MYO3B: variants seen among roughly 807,000 people sequenced by gnomAD.
The protein encoded by MYO3B is myosin-IIIb.
Under a neutral mutation model 174.6 loss-of-function variants are expected in MYO3B, and 156 were observed. The ratio of observed to expected loss-of-function variants is 0.89; its 90% CI spans 0.78 to 1.02. MYO3B has a LOEUF of 1.02. Among genes scored for constraint, MYO3B ranks in the 50% least tolerant of loss-of-function variants. The pLI, the probability that MYO3B is intolerant of heterozygous loss-of-function variation, is 0.00. For synonymous variants in MYO3B, 563 were observed against 569.1 expected (o/e 0.99, Z 0.15); for missense variants, 1,632 against 1,639.4 (o/e 1.00, Z 0.08).
chr2:170,559,015 A>G (rs1173685809), intron 32 of MYO3B, among the ~76,000 whole-genome samples: 1 of 152,216 alleles, frequency 6.6e-6, no homozygotes, highest in East Asian at 1.9e-4. Flanking sequence ...TACTCATAGG[A>G]ATATTTCATT....
At chr2:170,261,056 C>T (rs1222075807) in intron 7 of MYO3B, among the ~76,000 whole-genome samples, 2 of 151,972 alleles carry the variant, frequency 1.3e-5, no homozygotes, top group African/African-American at 2.4e-5. Flanking sequence ...GGAGTTTCAC[C>T]CTTGTTGCCC....
intron 23 of MYO3B, among the ~76,000 whole-genome samples, chr2:170,452,197 A>G (rs892888133): frequency 1.6e-4 from 22 of 141,320 alleles, no homozygotes; most frequent in Non-Finnish European, 2.3e-4. Context: ...CCCCAAAAGT[A>G]AAAAAAAAAA....
chr2:170,553,569 G>T (rs111785523), intron 32 of MYO3B, among the ~76,000 whole-genome samples: 2 of 68,730 alleles, frequency 2.9e-5, no homozygotes, highest in Non-Finnish European at 6.9e-5. Context: ...TGGTTTTACA[G>T]GCTTATAGGT....
chr2:170,181,527 C>T (rs1350037476), intron 1 of MYO3B, among the ~76,000 whole-genome samples: 3 of 152,064 alleles, frequency 2.0e-5, no homozygotes, highest in Non-Finnish European at 2.9e-5. Flanking sequence ...TGAAAGCATT[C>T]GGTTTTTCAC....
Position 170,206,151 on chromosome 2 carries a change from A to G in MYO3B, c.321+5867A>G, listed in dbSNP as rs979123353. ...CATGCACATTCCCCCTCATTCTTTCATGCCCCCTACATTTGCACAAGATGT... is the reference window on the plus strand; with the variant it reads ...CATGCACATTCCCCCTCATTCTTTCGTGCCCCCTACATTTGCACAAGATGT... On this transcript the variant is annotated intron_variant, in intron 3 of 34. Transcript: ENST00000408978. The surrounding 1 kb of genome is among the most constrained non-coding windows in gnomAD (Gnocchi z 4.3). Among the ~76,000 whole-genome samples, 5 of 151,774 alleles carry G rather than the reference A, an allele frequency of 3.3e-5. No homozygotes were observed. The highest frequency in any genetic ancestry group is 9.7e-5 in the African/African-American group (4 of 41,292).
intron 28 of MYO3B, among the ~76,000 whole-genome samples, chr2:170,507,201 G>A (rs143162683): frequency 2.6e-5 from 4 of 152,230 alleles, no homozygotes; most frequent in South Asian, 4.1e-4. Flanking sequence ...TTTACCTGGT[G>A]CACCTGAGCT....
intron 6 of MYO3B, 115 bp from the exon 7 acceptor site, chr2:170,235,876 C>A: frequency 8.0e-7 from 1 of 1,244,188 alleles, no homozygotes; most frequent in Non-Finnish European, 1.2e-6. Flanking sequence ...TACTGGAATT[C>A]AATATCATCG....
At chr2:170,441,729 TG>T (rs2094802366) in intron 22 of MYO3B, among the ~76,000 whole-genome samples, 1 of 152,234 alleles carries the variant, frequency 6.6e-6, no homozygotes, top group African/African-American at 2.4e-5. Flanking sequence ...TTTGTTGTCA[TG>T]GAGATGGTGG....
At chr2:170,363,893 A>T (rs2094179632) in intron 8 of MYO3B, among the ~76,000 whole-genome samples, 1 of 152,194 alleles carries the variant, frequency 6.6e-6, no homozygotes, top group Non-Finnish European at 1.5e-5. Context: ...CTAATTTTTT[A>T]AAAAAGATTA....
intron 7 of MYO3B, among the ~76,000 whole-genome samples, chr2:170,320,440 C>T (rs567728895): frequency 5.3e-5 from 8 of 152,180 alleles, no homozygotes; most frequent in African/African-American, 1.9e-4. Flanking sequence ...AGGAGATGTA[C>T]ATTGGTTGCA....
At chr2:170,400,657 C>CCT (rs1491374145) in intron 17 of MYO3B, among the ~76,000 whole-genome samples, 1 of 131,816 alleles carries the variant, frequency 7.6e-6, no homozygotes, top group Non-Finnish European at 1.8e-5. Context: ...CCCCCCCCCC[C>CCT]TCGGCCTCCC....
At chr2:170,576,450 C>T (rs943822479) in intron 32 of MYO3B, among the ~76,000 whole-genome samples, 2 of 152,148 alleles carry the variant, frequency 1.3e-5, no homozygotes, top group African/African-American at 2.4e-5. Context: ...AAGAAGCAAA[C>T]CGGAAGAAGC....
Position 170,466,657 on chromosome 2 carries a change from G to A in MYO3B, c.2960G>A (p.Ser987Asn). 2 of 1,614,262 alleles carry A rather than the reference G, an allele frequency of 1.2e-6. No individual in the cohort carries two copies. The highest frequency in any genetic ancestry group is 1.7e-6 in the Non-Finnish European group (2 of 1,180,050). Residue 987 changes from serine to asparagine, a missense_variant, in exon 25 of 35, where the codon AGC becomes AAC. Transcript: ENST00000408978. ...LRSTGILETVSIRRQGYSHRI... is the reference protein window; with the variant it reads ...LRSTGILETVNIRRQGYSHRI... The stretch of plus-strand genomic sequence containing the variant: ...TCCACAGGGATTCTGGAGACAGTCA[G>A]CATCCGCCGCCAGGGCTATTCCCAC...
chr2:170,554,191 G>C (rs77267498), intron 32 of MYO3B, among the ~76,000 whole-genome samples: 1 of 152,122 alleles, frequency 6.6e-6, no homozygotes, highest in Non-Finnish European at 1.5e-5. Context: ...TGAAGAATAG[G>C]AACAGGGTGC....
intron 7 of MYO3B, among the ~76,000 whole-genome samples, chr2:170,325,499 C>T (rs571486644): frequency 3.9e-5 from 6 of 152,304 alleles, no homozygotes; most frequent in East Asian, 1.9e-4. Context: ...TGAGCCACTA[C>T]GCCTGGCCTA....
intron 30 of MYO3B, among the ~76,000 whole-genome samples, chr2:170,522,537 A>G (rs1688739205): frequency 6.6e-6 from 1 of 152,198 alleles, no homozygotes; most frequent in South Asian, 2.1e-4. Context: ...CAATTGTCTT[A>G]CAACATATTC....
At chr2:170,486,461 C>T (rs186438034) in intron 25 of MYO3B, among the ~76,000 whole-genome samples, 27 of 152,228 alleles carry the variant, frequency 1.8e-4, no homozygotes, top group Admixed American at 5.9e-4. Flanking sequence ...TACACCACCA[C>T]GCCTGACTAA....
intron 7 of MYO3B, among the ~76,000 whole-genome samples, 156 bp downstream of exon 7, chr2:170,236,292 A>G (rs948667818): frequency 1.3e-5 from 2 of 151,934 alleles, no homozygotes; most frequent in African/African-American, 4.8e-5. Flanking sequence ...GCTGGGGGGG[A>G]CAGAGAAGAG....
intron 30 of MYO3B, among the ~76,000 whole-genome samples, chr2:170,520,165 G>T (rs985710358): frequency 6.6e-6 from 1 of 152,064 alleles, no homozygotes; most frequent in African/African-American, 2.4e-5. Flanking sequence ...CACAACTTTG[G>T]AGGGAAGAGT....
Sources: gnomAD v4.1 joint callset for allele counts (sites outside exome capture counted in the v4.1 genomes callset) on GRCh38, gnomAD v4.1.1 for gene constraint, Gnocchi (gnomAD v3.1) non-coding constraint, MANE v1.5 for transcripts, NCBI Gene and HGNC (gene_info 2026-07-23, HGNC 2026-07-21) for gene names.